Variants in IL18 observed in about 807,000 individuals in gnomAD.
IL18 encodes the protein interleukin-18.
A neutral mutation model predicts 14.2 loss-of-function variants in IL18; 8 were observed. The ratio of observed to expected loss-of-function variants is 0.56; its 90% confidence interval spans 0.33 to 1.01. The LOEUF is 1.01. Ranked by LOEUF, IL18 falls within the 50% of genes least tolerant of loss-of-function variation. The pLI is 0.03. For synonymous variants in IL18, 67 were observed against 71.0 expected (o/e 0.94, Z 0.28); for missense variants, 166 against 231.1 (o/e 0.72, Z 1.83).
chr11:112,145,564 C>A (rs1271971313), intron 5 of IL18, among the ~76,000 whole-genome samples: 2 of 151,868 alleles, frequency 1.3e-5, no homozygotes, highest in African/African-American at 4.8e-5. Flanking sequence ...ACGGTGAAAC[C>A]CCGTCTCTAC....
chr11:112,154,906 C>T, intron 2 of IL18, 69 bp downstream of exon 2: 3 of 983,782 alleles, frequency 3.0e-6, no homozygotes, highest in Non-Finnish European at 4.7e-6. Context: ...AATAGTTCAC[C>T]TCACAACATC....
intron 1 of IL18, among the ~76,000 whole-genome samples, chr11:112,159,872 A>T (rs1378249627): frequency 6.6e-6 from 1 of 152,192 alleles, no homozygotes; most frequent in Admixed American, 6.5e-5. Flanking sequence ...AAAGACAGTG[A>T]CTACAAACTA....
At chr11:112,161,628 G>A (rs1866634322) in intron 1 of IL18, among the ~76,000 whole-genome samples, 1 of 152,076 alleles carries the variant, frequency 6.6e-6, no homozygotes, top group African/African-American at 2.4e-5. Context: ...GTGAAACCCT[G>A]TTTCTACTAA....
At chr11:112,161,462 A>AT (rs1346789461) in intron 1 of IL18, among the ~76,000 whole-genome samples, 2 of 152,220 alleles carry the variant, frequency 1.3e-5, no homozygotes. Context: ...TTTATGGCAT[A>AT]TTTATTATAC....
chr11:112,159,371 C>G (rs1866590552), intron 1 of IL18, among the ~76,000 whole-genome samples: 1 of 151,938 alleles, frequency 6.6e-6, no homozygotes. Context: ...AAAGAATGGA[C>G]CTGATTGAAC....
In IL18 at chr11:112,143,637, C is replaced by T. The variant is rs895862739; in HGVS notation, c.541G>A (p.Gly181Arg). The T allele has an allele frequency of 6.2e-7, 1 of 1,612,628 alleles. No individual in the cohort carries two copies. The highest frequency in any genetic ancestry group is 8.5e-7 in the Non-Finnish European group (1 of 1,179,114). ...ACAGTGAACATTATAGATCTATCCC[C>T]CAATTCATCCTCTTTTTTCAAAATG... is the stretch of plus-strand genomic sequence containing the variant. Reference protein sequence around the residue: ...KLILKKEDELGDRSIMFTVQN... With the variant: ...KLILKKEDELRDRSIMFTVQN... Residue 181 changes from glycine (G) to arginine (R), a missense_variant, in exon 6 of 6, where the codon GGG becomes AGG. Physicochemically the swap from Gly to Arg is moderately radical, Grantham distance 125. Coordinates refer to ENST00000280357, the MANE Select transcript of IL18 (RefSeq NM_001562.4).
At chr11:112,146,426 T>C (rs1866344128) in intron 5 of IL18, among the ~76,000 whole-genome samples, 1 of 152,186 alleles carries the variant, frequency 6.6e-6, no homozygotes, top group African/African-American at 2.4e-5. Context: ...TTTCAAGCGA[T>C]TCTTCTGCCT....
chr11:112,151,599 G>C (rs1866440017), intron 3 of IL18, among the ~76,000 whole-genome samples: 2 of 152,088 alleles, frequency 1.3e-5, no homozygotes, highest in South Asian at 4.1e-4. Context: ...TAACAGCCAA[G>C]CTTTTAGCAA....
rs79607482 is a variant in IL18, at chr11:112,150,456, C to T, written c.92-250G>A. On this transcript the variant is annotated intron_variant, in intron 3 of 5. Coordinates refer to ENST00000280357, the MANE Select transcript of IL18 (RefSeq NM_001562.4). ...GCCTACTTTCTGACCGGTCTCTTAC[C>T]CTTCTAGTTTTCTTACACTTTTACT... 221 of 327,414 alleles carry T rather than the reference C, an allele frequency of 6.7e-4. 1 individual carries two copies. Among genetic ancestry groups the T allele is most frequent in the African/African-American group, 4.4e-3 (204 of 46,616 alleles). 20.3% of individuals were successfully genotyped at this position (327,414 alleles called of 1,614,324 possible). A position where few individuals can be genotyped will look rare whatever the true frequency, so the allele number is the denominator to read the frequency against.
chr11:112,148,685 G>T lies in IL18; in HGVS notation c.278C>A (p.Pro93His), dbSNP rs745920795. The T allele has an allele frequency of 5.3e-6, 8 of 1,511,320 alleles. No homozygotes were observed. Among genetic ancestry groups the T allele is most frequent in the Non-Finnish European group, 6.2e-6 (7 of 1,121,368 alleles). The allele number at this position is 1,511,320 out of a possible 1,614,324, so 93.6% of individuals were successfully genotyped here. The change falls in exon 5 of 6, where the codon CCT becomes CAT. Residue 93 changes from proline (P) to histidine (H), a missense_variant. Pro to His is a moderately conservative substitution (Grantham distance 77). Coordinates refer to ENST00000280357, the MANE Select transcript of IL18 (RefSeq NM_001562.4). ...AGAGATAGTTACAGCCATACCTCTA[G>T]GCTGGCTATCTTTATACATACTTAT... Reference protein sequence around the residue: ...FIISMYKDSQPRGMAVTISVK... With the variant: ...FIISMYKDSQHRGMAVTISVK...
chr11:112,146,816 A>C (rs1866351364), intron 5 of IL18, among the ~76,000 whole-genome samples: 1 of 150,986 alleles, frequency 6.6e-6, no homozygotes, highest in Non-Finnish European at 1.5e-5. Flanking sequence ...ATGAAGCTTA[A>C]ATGTCAGATT....
intron 3 of IL18, 106 bp from the exon 4 acceptor site, chr11:112,150,312 C>A: frequency 1.4e-6 from 1 of 737,600 alleles, no homozygotes; most frequent in South Asian, 1.8e-5. Flanking sequence ...TGACAATCTT[C>A]TGTTCCAGAA....
At chr11:112,147,723 C>T (rs1478806091) in intron 5 of IL18, among the ~76,000 whole-genome samples, 2 of 152,068 alleles carry the variant, frequency 1.3e-5, no homozygotes, top group South Asian at 2.1e-4. Flanking sequence ...CCAAGTTGCC[C>T]CTTGGTACCT....
rs1418114231 is a variant in IL18 at position 112,154,897 on chromosome 11, A to G, written c.79+78T>C. 1.6e-5 allele frequency: 14 copies of G among 874,166 alleles called. No individual in the cohort carries two copies. In the East Asian group the frequency reaches 3.2e-4, roughly 20 times the overall value. 54.2% of individuals were successfully genotyped at this position (874,166 alleles called of 1,614,324 possible). ...ATTTGGTGACAAAAAGAGTCACTTA[A>G]TAGTTCACCTCACAACATCTTTTCT... On this transcript the variant is annotated intron_variant, in intron 2 of 5. Transcript: ENST00000280357.
At chr11:112,148,958 A>C (rs536494545) in intron 4 of IL18, among the ~76,000 whole-genome samples, 1 of 123,074 alleles carries the variant, frequency 8.1e-6, no homozygotes, top group South Asian at 3.0e-4. Flanking sequence ...AAAGTTAAAA[A>C]CAACCTTTTA....
chr11:112,149,315 A>G (rs1391959469), intron 4 of IL18, among the ~76,000 whole-genome samples: 1 of 150,626 alleles, frequency 6.6e-6, no homozygotes, highest in Non-Finnish European at 1.5e-5. Context: ...CAAACAAACA[A>G]CCCCACAGTT....
At chr11:112,152,699 A>AT in intron 3 of IL18, among the ~76,000 whole-genome samples, 1 of 152,098 alleles carries the variant, frequency 6.6e-6, no homozygotes, top group Non-Finnish European at 1.5e-5. Flanking sequence ...AAGTATGATG[A>AT]TTTTCAACTA....
In IL18 at chr11:112,156,196, G is replaced by A. The variant is rs567541465; in HGVS notation, c.-8-1135C>T. 4.6e-5 allele frequency among the ~76,000 whole-genome samples: 7 copies of A among 152,220 alleles called. No individual in the cohort carries two copies. In the South Asian group the frequency reaches 1.4e-3, roughly 32 times the overall value. On this transcript the variant is annotated intron_variant, in intron 1 of 5. Transcript: ENST00000280357. ...CATAATATGAGGCCTAGCATGTATG[G>A]TAGAGTAAGCAGGAATTTAAAACTC...
chr11:112,143,789 TC>T lies in IL18; in HGVS notation c.388del (p.Asp130IlefsTer32). On this transcript the variant is annotated frameshift_variant, in exon 6 of 6. Coordinates refer to ENST00000280357, the MANE Select transcript of IL18 (RefSeq NM_001562.4). LOFTEE classifies it low-confidence loss of function (END_TRUNC). ...AAAGAATATGATGTCACTTTTTGTA[TC>T]CTTGATGTTATCAGGAGGATTCATT... is the stretch of plus-strand genomic sequence containing the variant. ...KEMNPPDNIKDTKSDIIFFQR... is the reference protein window; with the variant it reads ...KEMNPPDNIKXTKSDIIFFQR... 1 of 1,608,844 alleles carries T rather than the reference TC, an allele frequency of 6.2e-7. No individual in the cohort carries two copies. The highest frequency in any genetic ancestry group is 1.8e-4 in the Middle Eastern group (1 of 5,664).
Sources: gnomAD v4.1 joint callset for allele counts (sites outside exome capture counted in the v4.1 genomes callset) on GRCh38, gnomAD v4.1.1 for gene constraint, MANE v1.5 for transcripts, NCBI Gene and HGNC (gene_info 2026-07-23, HGNC 2026-07-21) for gene names.